The following AZIN2 variants were observed in gnomAD, a reference collection of about 807,000 sequenced individuals.
The protein encoded by AZIN2 is ODC antizyme inhibitor-2.
AZIN2 carries 28 observed loss-of-function variants against 47.8 expected under a neutral mutation model. The ratio of observed to expected loss-of-function variants is 0.59; its 90% confidence interval spans 0.43 to 0.80. The LOEUF is 0.80. Among genes scored for constraint, AZIN2 ranks in the 30% least tolerant of loss-of-function variants. The pLI is 0.00. For synonymous variants in AZIN2, 221 were observed against 239.4 expected, an observed-to-expected ratio of 0.92 and a Z score of 0.71; for missense variants, 535 against 582.5, an observed-to-expected ratio of 0.92 and a Z score of 0.84.
chr1:33,093,504 G>C (rs1378607163), intron 7 of AZIN2, 88 bp downstream of exon 7: 10 of 1,491,682 alleles, frequency 6.7e-6, no homozygotes, highest in Non-Finnish European at 9.0e-6. Flanking sequence ...ACCTTCCCCA[G>C]GGCCTCTGAG....
rs776212677 is a variant in AZIN2 at position 33,094,626 on chromosome 1, G to C, written c.666G>C (p.Met222Ile). ...CAGACGCCCGGCTCGTGTTTGAAAT[G>C]GGCACCGAGCTGGGTCACAAGATGC... ...SIADARLVFEMGTELGHKMHV... is the reference protein window; with the variant it reads ...SIADARLVFEIGTELGHKMHV... The change falls in exon 8 of 12, where the codon ATG becomes ATC. Residue 222 changes from methionine (M) to isoleucine (I), a missense_variant. This residue lies in a region of AZIN2 where 409 missense variants were observed against 429.0 expected (regional missense o/e 0.95). Transcript: ENST00000294517. 6.2e-7 allele frequency: 1 copy of C among 1,614,192 alleles called. No homozygotes were observed. Among genetic ancestry groups the C allele is most frequent in the Admixed American group, 1.7e-5 (1 of 60,016 alleles).
chr1:33,165,392 T>G, the AZIN2 span: 1 of 1,142,148 alleles, frequency 8.8e-7, no homozygotes, highest in Non-Finnish European at 1.2e-6. The surrounding 1 kb of genome is among the most constrained non-coding windows in gnomAD (Gnocchi z 4.0). Flanking sequence ...GCCCCGCCCC[T>G]CTTCCCCAGC....
chr1:33,130,157 C>T, the AZIN2 span, among the ~76,000 whole-genome samples: 1 of 152,212 alleles, frequency 6.6e-6, no homozygotes, highest in African/African-American at 2.4e-5. Flanking sequence ...CTGCACCTGG[C>T]CGTAGCTTTG....
At position 33,093,330 on chromosome 1, in the gene AZIN2, G is replaced by A. The variant is rs1642782360; in HGVS notation, c.501G>A (p.Leu167=). ...ATDDSHSLSC[L]SLKFGVSLKS... is the part of the protein sequence containing the mutation. ...ATGACTCCCACTCCCTGAGCTGCCT[G>A]AGCCTAAAGTTTGGAGTGTCACTGA... is the stretch of plus-strand genomic sequence containing the variant. Residue 167 remains leucine (L), a synonymous_variant, in exon 7 of 12, where the codon CTG becomes CTA. Coordinates refer to ENST00000294517, the MANE Select transcript of AZIN2 (RefSeq NM_052998.4). The A allele has an allele frequency of 6.2e-7, 1 of 1,614,112 alleles. No homozygotes were observed. The highest frequency in any genetic ancestry group is 8.5e-7 in the Non-Finnish European group (1 of 1,179,992).
At chr1:33,148,414 T>C in the AZIN2 span, among the ~76,000 whole-genome samples, 1 of 152,240 alleles carries the variant, frequency 6.6e-6, no homozygotes, top group Non-Finnish European at 1.5e-5. Flanking sequence ...AGGCTGCATT[T>C]GTTTTGTTTG....
At chr1:33,110,769 G>C (rs537062297) in intron 10 of AZIN2, among the ~76,000 whole-genome samples, 1 of 152,290 alleles carries the variant, frequency 6.6e-6, no homozygotes, top group African/African-American at 2.4e-5. Context: ...CATAGTTTCA[G>C]GAAGAGACTG....
At chr1:33,086,478 T>G (rs1227859003) in intron 5 of AZIN2, among the ~76,000 whole-genome samples, 1 of 152,160 alleles carries the variant, frequency 6.6e-6, no homozygotes, top group African/African-American at 2.4e-5. Flanking sequence ...GACCCTTTGG[T>G]GCGCTTCTGG....
rs1644817346 is a variant in AZIN2, at chr1:33,122,717, C to T, written c.*2535C>T. The stretch of plus-strand genomic sequence containing the variant: ...TCCTGTTGGCCTATCACAGACCCAT[C>T]CTTCCCTGGGGCATCACCTGAGGAA... On this transcript the variant is annotated 3_prime_UTR_variant, in exon 12 of 12. Transcript: ENST00000294517. Among the ~76,000 whole-genome samples the T allele has an allele frequency of 6.6e-6, 1 of 152,174 alleles. No individual in the cohort carries two copies. Among genetic ancestry groups the T allele is most frequent in the African/African-American group, 2.4e-5 (1 of 41,438 alleles).
chr1:33,086,626 G>A (rs1014257141), intron 5 of AZIN2, among the ~76,000 whole-genome samples: 4 of 152,250 alleles, frequency 2.6e-5, no homozygotes, highest in African/African-American at 9.6e-5. Flanking sequence ...GCTAGGGCTG[G>A]ATGTGCAGAC....
chr1:33,159,883 AGCAGCCGGT>A, the AZIN2 span: 2 of 1,611,684 alleles, frequency 1.2e-6, no homozygotes. The surrounding 1 kb of genome is among the most constrained non-coding windows in gnomAD (Gnocchi z 4.2). Flanking sequence ...GCGTTCACGC[AGCAGCCGGT>A]GCAGCCGCTC....
chr1:33,096,643 C>T lies in AZIN2; in HGVS notation c.754-64C>T. On this transcript the variant is annotated intron_variant, in intron 8 of 11. Transcript: ENST00000294517. ...TCAAGAAATAGACTTGGAGCTGTAG[C>T]AAGTCTTCAGCATAAAGCCCACATT... 5 of 1,569,366 alleles carry T rather than the reference C, an allele frequency of 3.2e-6. No individual in the cohort carries two copies. The South Asian group carries it at 5.6e-5, about 17-fold the overall frequency.
chr1:33,141,156 C>T, the AZIN2 span, among the ~76,000 whole-genome samples: 1 of 151,980 alleles, frequency 6.6e-6, no homozygotes, highest in Non-Finnish European at 1.5e-5. Context: ...GATTTGATCA[C>T]CCTTTTGCCC....
the AZIN2 span, among the ~76,000 whole-genome samples, chr1:33,135,794 A>G: frequency 6.6e-6 from 1 of 152,326 alleles, no homozygotes; most frequent in African/African-American, 2.4e-5. Flanking sequence ...CCTGGTCACC[A>G]TCAGCTCTTT....
chr1:33,165,755 C>G, the AZIN2 span: 1 of 429,470 alleles, frequency 2.3e-6, no homozygotes, highest in Non-Finnish European at 4.1e-6. This position sits in a 1 kb window ranked among gnomAD's most constrained non-coding sequence, Gnocchi z 4.0. Context: ...AGAACCCGTC[C>G]GTATCTTTCA....
rs1202176122 is a variant in AZIN2, at chr1:33,118,012, C to T, written c.1140C>T (p.Asp380=). The change falls in exon 11 of 12, where the codon GAC becomes GAT. Residue 380 remains aspartate (D), a synonymous_variant. Transcript: ENST00000294517. ...GGCTGCCGCAACTACACGTAGGGGA[C>T]TGGCTGGTCTTTGACAACATGGGCG... ...GLWLPQLHVG[D]WLVFDNMGAY... is the part of the protein sequence containing the mutation. 4.4e-6 allele frequency: 7 copies of T among 1,594,140 alleles called. No individual in the cohort carries two copies. Among genetic ancestry groups the T allele is most frequent in the South Asian group, 3.4e-5 (3 of 88,068 alleles).
chr1:33,083,735 G>A lies in AZIN2; in HGVS notation c.106-219G>A, dbSNP rs140843286. On this transcript the variant is annotated intron_variant, in intron 4 of 11. Transcript: ENST00000294517. ...CCAGCCTACAGCTGGAGTTTTAGCC[G>A]CATTGAGGGGAGGGATTGGGGCTAG... The A allele has an allele frequency of 1.2e-3, 722 of 584,074 alleles. 17 individuals are homozygous for A. The East Asian group carries it at 0.02, about 16-fold the overall frequency. 36.2% of individuals were successfully genotyped at this position (584,074 alleles called of 1,614,324 possible).
intron 10 of AZIN2, among the ~76,000 whole-genome samples, chr1:33,105,074 C>T (rs1643931136): frequency 6.6e-6 from 1 of 152,264 alleles, no homozygotes; most frequent in East Asian, 1.9e-4. Context: ...CCAGTTTTAG[C>T]TGCTCTGATA....
chr1:33,144,867 G>T, the AZIN2 span, among the ~76,000 whole-genome samples: 1 of 152,078 alleles, frequency 6.6e-6, no homozygotes, highest in Non-Finnish European at 1.5e-5. Context: ...AACCCATACA[G>T]CTCCAGGCAC....
chr1:33,145,742 G>T, the AZIN2 span: 1 of 400,070 alleles, frequency 2.5e-6, no homozygotes. Flanking sequence ...GGCAGGGATA[G>T]AGCCAAGGGG....
Sources: gnomAD v4.1 joint callset for allele counts (sites outside exome capture counted in the v4.1 genomes callset) on GRCh38, gnomAD v4.1.1 for gene constraint, gnomAD v4.1.1 regional missense constraint, Gnocchi (gnomAD v3.1) non-coding constraint, MANE v1.5 for transcripts, NCBI Gene and HGNC (gene_info 2026-07-23, HGNC 2026-07-21) for gene names.